Variants in SIRT1 observed in about 807,000 individuals in gnomAD.
SIRT1 encodes the protein NAD-dependent protein deacetylase sirtuin-1.
Under a neutral mutation model 67.9 loss-of-function variants are expected in SIRT1, and 24 were observed. That is an observed-to-expected ratio of 0.35 (90% CI 0.26 to 0.50). The LOEUF is 0.50. Ranked by LOEUF, SIRT1 falls within the 20% of genes least tolerant of loss-of-function variation. The pLI, the probability that SIRT1 is intolerant of heterozygous loss-of-function variation, is 0.98. For missense variants in SIRT1, 873 were observed against 937.2 expected (o/e 0.93, Z 0.89); for synonymous variants, 378 against 350.7 (o/e 1.08, Z -0.87).
chr10:67,891,423 C>T lies in SIRT1; in HGVS notation c.811C>T (p.Pro271Ser). ...TTAGGTGTCTGTTTCATGTGGAATA[C>T]CTGACTTCAGGTCAAGGGATGGTAT... is the stretch of plus-strand genomic sequence containing the variant. Reference protein sequence around the residue: ...GAGVSVSCGIPDFRSRDGIYA... With the variant: ...GAGVSVSCGISDFRSRDGIYA... Residue 271 changes from proline to serine, a missense_variant, in exon 4 of 9, where the codon CCT (proline) becomes TCT (serine). Coordinates refer to ENST00000212015, the MANE Select transcript of SIRT1 (RefSeq NM_012238.5). 2 of 1,613,994 alleles carry T rather than the reference C, an allele frequency of 1.2e-6. No homozygotes were observed. The highest frequency in any genetic ancestry group is 1.7e-6 in the Non-Finnish European group (2 of 1,179,948).
At chr10:67,889,560 A>G (rs1329164834) in intron 3 of SIRT1, among the ~76,000 whole-genome samples, 1 of 152,110 alleles carries the variant, frequency 6.6e-6, no homozygotes, top group Admixed American at 6.6e-5. Flanking sequence ...TTCCCTCCAT[A>G]TTAATTAAGA....
chr10:67,900,924 A>G (rs1438841513), intron 4 of SIRT1, among the ~76,000 whole-genome samples: 1 of 152,208 alleles, frequency 6.6e-6, no homozygotes, highest in African/African-American at 2.4e-5. Context: ...TGGATATATA[A>G]TAGTTGTACG....
chr10:67,893,141 T>C (rs542870083), intron 4 of SIRT1, among the ~76,000 whole-genome samples: 1 of 150,346 alleles, frequency 6.7e-6, no homozygotes, highest in Non-Finnish European at 1.5e-5. Context: ...CATTTTATTT[T>C]ATTTTACTTT....
chr10:67,914,881 T>A lies in SIRT1; in HGVS notation c.1916-1384T>A, dbSNP rs1240244473. Among the ~76,000 whole-genome samples, 3 of 2,450 alleles carry A rather than the reference T, an allele frequency of 1.2e-3. No individual in the cohort carries two copies. The Admixed American group carries it at 0.05, about 41-fold the overall frequency. 1.6% of individuals were successfully genotyped at this position (2,450 alleles called of 152,430 possible). A position where few individuals can be genotyped will look rare whatever the true frequency, so the allele number is the denominator to read the frequency against. On this transcript the variant is annotated intron_variant, in intron 8 of 8. Transcript: ENST00000212015. ...GGCGCATGCCCTCATGCTCAGCTAT[T>A]TTTTTTTTTTTTTTTTTTAGTTTTT...
At chr10:67,900,092 A>G (rs1243736801) in intron 4 of SIRT1, among the ~76,000 whole-genome samples, 1 of 152,130 alleles carries the variant, frequency 6.6e-6, no homozygotes, top group Non-Finnish European at 1.5e-5. Flanking sequence ...TCAAAAATAA[A>G]TACAATTTTA....
In SIRT1 at chr10:67,888,869, C is replaced by T; in HGVS notation, c.548-13C>T. 1.3e-6 allele frequency: 2 copies of T among 1,575,796 alleles called. No homozygotes were observed. Among genetic ancestry groups the T allele is most frequent in the Non-Finnish European group, 1.7e-6 (2 of 1,157,058 alleles). On this transcript the variant is annotated splice_polypyrimidine_tract_variant and intron_variant, in intron 2 of 8. Transcript: ENST00000212015. ...TGATAAGTTGACTTTAAGCCTTTTCCCCCTTATTGTAGGTCCATATACTTT... is the reference window on the plus strand; with the variant it reads ...TGATAAGTTGACTTTAAGCCTTTTCTCCCTTATTGTAGGTCCATATACTTT...
At chr10:67,890,333 C>T (rs990955186) in intron 3 of SIRT1, among the ~76,000 whole-genome samples, 9 of 151,900 alleles carry the variant, frequency 5.9e-5, no homozygotes, top group Admixed American at 4.6e-4. Context: ...GGATTACAGG[C>T]GTGATCCACC....
At chr10:67,889,170 G>A (rs147639446) in intron 3 of SIRT1, 47 bp downstream of exon 3, 7 of 1,515,482 alleles carry the variant, frequency 4.6e-6, no homozygotes, top group Admixed American at 2.1e-5. Flanking sequence ...ATTTTCTTAT[G>A]CCTTTTCCAA....
chr10:67,898,441 G>A (rs898333144), intron 4 of SIRT1, among the ~76,000 whole-genome samples: 4 of 151,838 alleles, frequency 2.6e-5, no homozygotes, highest in Admixed American at 6.6e-5. Context: ...TTTTACATTT[G>A]TTCAAAAAAT....
intron 4 of SIRT1, among the ~76,000 whole-genome samples, chr10:67,905,841 C>T (rs1842813367): frequency 6.6e-6 from 1 of 152,130 alleles, no homozygotes; most frequent in African/African-American, 2.4e-5. Context: ...CTAGATCTCC[C>T]TCAATTCTTT....
At chr10:67,896,476 T>C (rs1031499081) in intron 4 of SIRT1, among the ~76,000 whole-genome samples, 15 of 152,152 alleles carry the variant, frequency 9.9e-5, no homozygotes, top group Admixed American at 2.6e-4. Context: ...TGGGGAACTT[T>C]CCTGTGCGTT....
chr10:67,895,291 G>A (rs1214199611), intron 4 of SIRT1, among the ~76,000 whole-genome samples: 1 of 151,992 alleles, frequency 6.6e-6, no homozygotes, highest in Non-Finnish European at 1.5e-5. Context: ...CTTGGGTGGC[G>A]GGCGCCTGTC....
At chr10:67,909,532 G>C (rs1460961097) in intron 7 of SIRT1, 90 bp downstream of exon 7, 2 of 1,086,816 alleles carry the variant, frequency 1.8e-6, no homozygotes, top group Non-Finnish European at 2.5e-6. Context: ...TCTTAACTCT[G>C]CTTCTGTTTG....
chr10:67,916,238 A>G (rs1259385258), intron 8 of SIRT1, 27 bp from the exon 9 acceptor site: 1 of 1,573,958 alleles, frequency 6.4e-7, no homozygotes, highest in African/African-American at 1.4e-5. Flanking sequence ...GAAAACTGAA[A>G]GTAACATTTT....
intron 4 of SIRT1, among the ~76,000 whole-genome samples, chr10:67,895,135 C>T (rs953020404): frequency 6.6e-6 from 1 of 152,034 alleles, no homozygotes; most frequent in African/African-American, 2.4e-5. Context: ...AAGAAAGCTT[C>T]CAGTCTGGGC....
chr10:67,904,843 T>C (rs1401556160), intron 4 of SIRT1, among the ~76,000 whole-genome samples: 1 of 90,358 alleles, frequency 1.1e-5, no homozygotes, highest in Non-Finnish European at 2.8e-5. Flanking sequence ...AAACTCTGTC[T>C]CAAAAAAAAA....
At chr10:67,909,154 A>C (rs1229505132) in intron 6 of SIRT1, 102 bp from the exon 7 acceptor site, 1 of 743,578 alleles carries the variant, frequency 1.3e-6, no homozygotes, top group Non-Finnish European at 2.1e-6. Flanking sequence ...TTTTTTTTTA[A>C]TAATTCTGAA....
chr10:67,887,638 G>A (rs971511816), intron 2 of SIRT1, 105 bp downstream of exon 2: 18 of 679,896 alleles, frequency 2.6e-5, no homozygotes, highest in Non-Finnish European at 4.3e-5. Context: ...GTGCAATGGC[G>A]CGATCTCGGC....
chr10:67,907,477 A>G (rs1370406303), intron 5 of SIRT1, among the ~76,000 whole-genome samples: 2 of 139,586 alleles, frequency 1.4e-5, no homozygotes, highest in Middle Eastern at 3.6e-3. Flanking sequence ...CCTGGGAGAC[A>G]GTGAGACTCT....
Sources: allele counts gnomAD v4.1 joint callset (sites outside exome capture counted in the v4.1 genomes callset), GRCh38; gene constraint gnomAD v4.1.1; transcripts MANE v1.5; gene names NCBI Gene and HGNC (gene_info 2026-07-23, HGNC 2026-07-21).